AGBL1: variants seen among roughly 807,000 people sequenced by gnomAD.
AGBL1 encodes AGBL carboxypeptidase 1, also known as cytosolic carboxypeptidase 4.
Under a neutral mutation model 118.9 loss-of-function variants are expected in AGBL1, and 130 were observed. The ratio of observed to expected loss-of-function variants is 1.09; its 90% CI spans 0.95 to 1.26. The LOEUF (loss-of-function observed/expected upper bound fraction) is 1.26. AGBL1 is among the 50% of genes most tolerant of loss of function. The pLI is 0.00. For missense variants in AGBL1, 1,584 were observed against 1,298.1 expected, an observed-to-expected ratio of 1.22 and a Z score of -3.38; for synonymous variants, 555 against 478.9, an observed-to-expected ratio of 1.16 and a Z score of -2.08.
At chr15:86,237,832 C>T (rs77386347) in intron 6 of AGBL1, among the ~76,000 whole-genome samples, 78 of 152,286 alleles carry the variant, frequency 5.1e-4, no homozygotes, top group African/African-American at 1.8e-3. Context: ...GGATGAGTCT[C>T]AAAATGGTGG....
chr15:86,695,798 A>G (rs1424279259), intron 22 of AGBL1, among the ~76,000 whole-genome samples: 2 of 151,860 alleles, frequency 1.3e-5, no homozygotes, highest in Non-Finnish European at 2.9e-5. Flanking sequence ...TTGTGTCACT[A>G]TTATTGTTCA....
chr15:86,970,020 C>T (rs2081091206), intron 23 of AGBL1, among the ~76,000 whole-genome samples: 1 of 151,816 alleles, frequency 6.6e-6, no homozygotes, highest in Admixed American at 6.6e-5. Context: ...AGCTGCTTTA[C>T]AGGGAAGAGT....
chr15:86,447,522 G>A (rs1231705588), intron 18 of AGBL1, among the ~76,000 whole-genome samples: 1 of 152,004 alleles, frequency 6.6e-6, no homozygotes, highest in Non-Finnish European at 1.5e-5. Flanking sequence ...TCTATGTCTA[G>A]GTATTTCAGC....
In AGBL1 at chr15:86,371,297, T is replaced by C. The variant is rs970099893; in HGVS notation, c.2375-26069T>C. On this transcript the variant is annotated intron_variant, in intron 17 of 22. Coordinates refer to ENST00000614907, the MANE Select transcript of AGBL1 (RefSeq NM_001386094.1). ...ACAGGAATAAAAGCAATGGCGGTCATTGGGGCCTGGAGCAAAGTCAGTTTG... is the reference window on the plus strand; with the variant it reads ...ACAGGAATAAAAGCAATGGCGGTCACTGGGGCCTGGAGCAAAGTCAGTTTG... Among the ~76,000 whole-genome samples the C allele has an allele frequency of 3.9e-5, 6 of 152,118 alleles. No homozygotes were observed. The East Asian group carries it at 5.8e-4, about 15-fold the overall frequency.
chr15:86,411,986 A>G (rs1055111143), intron 18 of AGBL1, among the ~76,000 whole-genome samples: 1 of 152,180 alleles, frequency 6.6e-6, no homozygotes, highest in East Asian at 1.9e-4. Context: ...ACCCACTCCT[A>G]GCTGACTTAT....
At chr15:86,898,843 C>T (rs2080170031) in intron 22 of AGBL1, among the ~76,000 whole-genome samples, 1 of 152,028 alleles carries the variant, frequency 6.6e-6, no homozygotes, top group Admixed American at 6.6e-5. Context: ...CAATGAGATA[C>T]CATCTCGCAC....
At chr15:86,796,070 G>A (rs545281015) in intron 22 of AGBL1, among the ~76,000 whole-genome samples, 29 of 152,072 alleles carry the variant, frequency 1.9e-4, no homozygotes, top group African/African-American at 6.7e-4. Flanking sequence ...ACTCTATGAG[G>A]CACACATTGG....
chr15:86,645,017 C>T (rs1429879121), intron 21 of AGBL1, among the ~76,000 whole-genome samples: 3 of 151,718 alleles, frequency 2.0e-5, no homozygotes, highest in East Asian at 1.9e-4. Context: ...GCGAGACTGT[C>T]TCCAAAACAA....
At chr15:86,592,540 A>G (rs2084352046) in intron 21 of AGBL1, among the ~76,000 whole-genome samples, 1 of 152,198 alleles carries the variant, frequency 6.6e-6, no homozygotes, top group Non-Finnish European at 1.5e-5. Context: ...GTGCGCATGC[A>G]CAGTGGCCTG....
intron 21 of AGBL1, among the ~76,000 whole-genome samples, chr15:86,596,168 C>A (rs1305990271): frequency 6.6e-6 from 1 of 152,016 alleles, no homozygotes; most frequent in Admixed American, 6.6e-5. Context: ...ATTAGCTGGA[C>A]ATGTTGGCGT....
At chr15:86,402,824 C>T (rs2081467894) in intron 18 of AGBL1, among the ~76,000 whole-genome samples, 1 of 152,068 alleles carries the variant, frequency 6.6e-6, no homozygotes, top group African/African-American at 2.4e-5. Flanking sequence ...AGCCAAGGAT[C>T]TCTTAGCAAC....
chr15:86,167,763 G>A (rs1263682723), intron 5 of AGBL1, among the ~76,000 whole-genome samples: 1 of 152,208 alleles, frequency 6.6e-6, no homozygotes, highest in Non-Finnish European at 1.5e-5. Context: ...TCACACAAAT[G>A]TGTAGCCATG....
At chr15:86,535,053 G>A (rs188727024) in intron 19 of AGBL1, among the ~76,000 whole-genome samples, 11 of 152,206 alleles carry the variant, frequency 7.2e-5, no homozygotes, top group African/African-American at 2.4e-4. Context: ...TAAAATTAAA[G>A]CAAAGTCACA....
intron 22 of AGBL1, among the ~76,000 whole-genome samples, chr15:86,875,478 G>A (rs1435150056): frequency 1.3e-5 from 2 of 152,178 alleles, no homozygotes; most frequent in Admixed American, 6.5e-5. Flanking sequence ...TGGGATCAGC[G>A]TTGAGCCTCA....
At chr15:86,517,684 C>G (rs2083138095) in intron 18 of AGBL1, among the ~76,000 whole-genome samples, 1 of 152,168 alleles carries the variant, frequency 6.6e-6, no homozygotes, top group Admixed American at 6.5e-5. Flanking sequence ...CTCTCCTGAG[C>G]ATTTTGCGTG....
intron 22 of AGBL1, among the ~76,000 whole-genome samples, chr15:86,727,717 C>G (rs2086841853): frequency 6.6e-6 from 1 of 152,108 alleles, no homozygotes; most frequent in South Asian, 2.1e-4. Flanking sequence ...ATTCTGATTT[C>G]TCAATTTAAA....
At chr15:86,812,845 T>A (rs1217347987) in intron 22 of AGBL1, among the ~76,000 whole-genome samples, 1 of 152,200 alleles carries the variant, frequency 6.6e-6, no homozygotes, top group East Asian at 1.9e-4. Context: ...TCTAAAGGTA[T>A]GCGTGGCAGG....
downstream of AGBL1, among the ~76,000 whole-genome samples, chr15:87,030,187 C>G (rs1280637500): frequency 6.6e-6 from 1 of 151,850 alleles, no homozygotes; most frequent in African/African-American, 2.4e-5. Flanking sequence ...ACTGTACACC[C>G]ATGACATTTT....
At chr15:86,410,367 GTGA>G (rs2081590593) in intron 18 of AGBL1, among the ~76,000 whole-genome samples, 1 of 152,100 alleles carries the variant, frequency 6.6e-6, no homozygotes, top group South Asian at 2.1e-4. Flanking sequence ...GTTTTCATCA[GTGA>G]TGATTGTGGT....
Sources: allele counts gnomAD v4.1 joint callset (sites outside exome capture counted in the v4.1 genomes callset), GRCh38; gene constraint gnomAD v4.1.1; transcripts MANE v1.5; gene names NCBI Gene and HGNC (gene_info 2026-07-23, HGNC 2026-07-21).